SCAND3: variants seen among roughly 807,000 people sequenced by gnomAD.
SCAND3 encodes SCAN domain containing 3, also known as SCAN domain-containing protein 3.
At chr6:28,604,728 T>C in the SCAND3 span, among the ~76,000 whole-genome samples, 13 of 152,228 alleles carry the variant, frequency 8.5e-5, no homozygotes, top group Non-Finnish European at 1.5e-4. Context: ...CCTTAATTTA[T>C]TGATATATGT....
the SCAND3 span, among the ~76,000 whole-genome samples, chr6:28,607,519 G>GTTT: frequency 8.5e-3 from 1,263 of 149,316 alleles, 10 homozygotes; most frequent in African/African-American, 0.014. Context: ...TTTATTCACT[G>GTTT]TTTTTTTTTT....
the SCAND3 span, chr6:28,597,839 C>G: frequency 6.6e-6 from 1 of 152,166 alleles, no homozygotes; most frequent in African/African-American, 2.4e-5. Flanking sequence ...AATTAGCAAA[C>G]AAACTACAAC....
chr6:28,604,445 G>A, the SCAND3 span, among the ~76,000 whole-genome samples: 1 of 151,764 alleles, frequency 6.6e-6, no homozygotes, highest in African/African-American at 2.4e-5. Flanking sequence ...GGTGAAACCC[G>A]TCTCTATTAA....
chr6:28,573,427 C>A, the SCAND3 span: 2 of 1,614,040 alleles, frequency 1.2e-6, no homozygotes, highest in East Asian at 2.2e-5. Flanking sequence ...ATATGAAGCC[C>A]GCAAAGCACT....
chr6:28,601,919 C>G, the SCAND3 span, among the ~76,000 whole-genome samples: 1 of 152,058 alleles, frequency 6.6e-6, no homozygotes, highest in African/African-American at 2.4e-5. Flanking sequence ...TCTGGGTAAC[C>G]CCTAGCTCTT....
chr6:28,588,653 T>G, the SCAND3 span, among the ~76,000 whole-genome samples: 2 of 152,236 alleles, frequency 1.3e-5, no homozygotes, highest in African/African-American at 4.8e-5. The surrounding 1 kb of genome is among the most constrained non-coding windows in gnomAD (Gnocchi z 4.1). Flanking sequence ...TGAGTCACAA[T>G]TATAACTCAT....
the SCAND3 span, chr6:28,573,730 T>C: frequency 6.2e-7 from 1 of 1,608,020 alleles, no homozygotes; most frequent in Non-Finnish European, 8.5e-7. Flanking sequence ...TTCTTCAGGA[T>C]AACTTCTATT....
At chr6:28,574,968 T>C in the SCAND3 span, 1 of 1,613,648 alleles carries the variant, frequency 6.2e-7, no homozygotes, top group Non-Finnish European at 8.5e-7. Context: ...AAAGATTCTC[T>C]TCAATATCAC....
At chr6:28,604,088 T>C in the SCAND3 span, among the ~76,000 whole-genome samples, 3 of 152,180 alleles carry the variant, frequency 2.0e-5, no homozygotes, top group Non-Finnish European at 4.4e-5. Context: ...TGTGTTCCAA[T>C]GGTCAAAGCA....
chr6:28,579,362 A>T, the SCAND3 span: 1 of 1,613,928 alleles, frequency 6.2e-7, no homozygotes, highest in African/African-American at 1.3e-5. The surrounding 1 kb of genome is among the most constrained non-coding windows in gnomAD (Gnocchi z 4.5). Flanking sequence ...TCCTTTGCAG[A>T]ATCCAGAGGG....
the SCAND3 span, chr6:28,574,703 G>T: frequency 6.2e-7 from 1 of 1,614,078 alleles, no homozygotes; most frequent in African/African-American, 1.3e-5. Flanking sequence ...ATTTTGGAAG[G>T]TTTAACAGGC....
the SCAND3 span, among the ~76,000 whole-genome samples, chr6:28,602,524 T>C: frequency 2.0e-5 from 3 of 152,212 alleles, no homozygotes; most frequent in Non-Finnish European, 4.4e-5. Flanking sequence ...TGCCTAAATC[T>C]TCCTAATAAT....
the SCAND3 span, among the ~76,000 whole-genome samples, chr6:28,598,707 A>G: frequency 2.8e-5 from 4 of 143,906 alleles, no homozygotes; most frequent in Non-Finnish European, 6.1e-5. Flanking sequence ...ATAAAATAAA[A>G]TAAAATAAAA....
chr6:28,611,142 T>C, the SCAND3 span, among the ~76,000 whole-genome samples: 1 of 152,174 alleles, frequency 6.6e-6, no homozygotes, highest in African/African-American at 2.4e-5. Context: ...TGCATTCATC[T>C]CTCCCTTTAT....
the SCAND3 span, among the ~76,000 whole-genome samples, chr6:28,588,656 TAA>T: frequency 6.6e-6 from 1 of 152,242 alleles, no homozygotes; most frequent in Admixed American, 6.5e-5. The surrounding 1 kb of genome is among the most constrained non-coding windows in gnomAD (Gnocchi z 4.1). Flanking sequence ...GTCACAATTA[TAA>T]CTCATTATAA....
the SCAND3 span, among the ~76,000 whole-genome samples, chr6:28,600,099 A>G: frequency 6.6e-6 from 1 of 152,166 alleles, no homozygotes; most frequent in East Asian, 1.9e-4. Context: ...TAAAAACAAC[A>G]CCAAAAGCAA....
chr6:28,575,145 T>C, the SCAND3 span: 1 of 1,614,142 alleles, frequency 6.2e-7, no homozygotes, highest in Middle Eastern at 1.6e-4. This position sits in a 1 kb window ranked among gnomAD's most constrained non-coding sequence, Gnocchi z 4.2. Flanking sequence ...TAAATGCACT[T>C]TCACATGGAG....
chr6:28,573,348 G>A, the SCAND3 span: 1 of 1,614,068 alleles, frequency 6.2e-7, no homozygotes, highest in Non-Finnish European at 8.5e-7. Flanking sequence ...CTTCTTTGAT[G>A]CAGTCTTTCA....
the SCAND3 span, among the ~76,000 whole-genome samples, chr6:28,610,932 G>A: frequency 6.6e-6 from 1 of 152,042 alleles, no homozygotes; most frequent in South Asian, 2.1e-4. Flanking sequence ...TTCCCTTAGT[G>A]CTCAATTTAA....
Sources: gnomAD v4.1 joint callset for allele counts (sites outside exome capture counted in the v4.1 genomes callset) on GRCh38, gnomAD v4.1.1 for gene constraint, Gnocchi (gnomAD v3.1) non-coding constraint, MANE v1.5 for transcripts, NCBI Gene and HGNC (gene_info 2026-07-23, HGNC 2026-07-21) for gene names.